The following IGHMBP2 variants were observed in gnomAD, a reference collection of about 807,000 sequenced individuals.
IGHMBP2 encodes immunoglobulin mu DNA binding protein 2, also known as DNA-binding protein SMUBP-2.
Under a neutral mutation model 96.0 loss-of-function variants are expected in IGHMBP2, and 81 were observed. The ratio of observed to expected loss-of-function variants is 0.84; its 90% CI spans 0.71 to 1.01. IGHMBP2 has a LOEUF of 1.01. Ranked by LOEUF, IGHMBP2 falls within the 50% of genes least tolerant of loss-of-function variation. The probability of loss-of-function intolerance (pLI) is 0.00; values close to 1 mark genes in which losing one functional copy is unlikely to be tolerated. For missense variants in IGHMBP2, 1,227 were observed against 1,306.3 expected (o/e 0.94, Z 0.94); for synonymous variants, 557 against 548.9 (o/e 1.01, Z -0.21).
At chr11:68,926,335 A>G (rs1859069834) in intron 7 of IGHMBP2, 2 of 125,374 alleles carry the variant, frequency 1.6e-5, no homozygotes, top group African/African-American at 6.3e-5. Context: ...CAGTGGTGTG[A>G]TCTCGGCCCA....
Position 68,933,426 on chromosome 11 carries a change from A to C in IGHMBP2, c.1363A>C (p.Thr455Pro), listed in dbSNP as rs775232759. 1.7e-5 allele frequency: 28 copies of C among 1,613,234 alleles called. No individual in the cohort carries two copies. In the South Asian group the frequency reaches 3.1e-4, roughly 18 times the overall value. The change falls in exon 9 of 15, where the codon ACC becomes CCC. Residue 455 changes from threonine to proline, a missense_variant. Transcript: ENST00000255078. ...HQAIMRWASD[T>P]MYLGQLTAHS... ...GGCTATCATGCGCTGGGCCTCAGAC[A>C]CCATGTACCTTGGGCAGCTCACAGC...
chr11:68,931,230 A>G (rs976997917), intron 8 of IGHMBP2, among the ~76,000 whole-genome samples: 1 of 152,154 alleles, frequency 6.6e-6, no homozygotes, highest in Admixed American at 6.5e-5. Flanking sequence ...GCAGACACCC[A>G]TGACCCTGCA....
At chr11:68,916,975 CTTTTTTTTTTT>C (rs11418103) in intron 6 of IGHMBP2, among the ~76,000 whole-genome samples, 10 of 103,340 alleles carry the variant, frequency 9.7e-5, no homozygotes, top group Admixed American at 3.0e-4. Flanking sequence ...AAGGTTACAT[CTTTTTTTTTTT>C]TTTTTTTTTT....
chr11:68,914,831 C>T lies in IGHMBP2; in HGVS notation c.720C>T (p.Cys240=), dbSNP rs142485663. The T allele has an allele frequency of 1.2e-6, 2 of 1,614,274 alleles. No homozygotes were observed. Among genetic ancestry groups the T allele is most frequent in the African/African-American group, 2.7e-5 (2 of 75,080 alleles). ...QAVKQGLKVL[C]CAPSNIAVDN... is the part of the protein sequence containing the mutation. ...TAACTTGCGGTTCCCAGGTTCTGTG[C>T]TGCGCCCCCTCCAACATCGCCGTGG... Residue 240 remains cysteine (C), a synonymous_variant, in exon 6 of 15, where the codon TGC becomes TGT. Transcript: ENST00000255078.
Position 68,906,190 on chromosome 11 carries a change from A to G in IGHMBP2, c.208A>G (p.Arg70Gly), listed in dbSNP as rs563922049. 7.4e-6 allele frequency: 12 copies of G among 1,614,186 alleles called. No individual in the cohort carries two copies. In the South Asian group the frequency reaches 9.9e-5, roughly 13 times the overall value. Residue 70 changes from arginine to glycine, a missense_variant, in exon 2 of 15, where the codon AGG (arginine) becomes GGG (glycine). This residue lies in a region of IGHMBP2 where 507 missense variants were observed against 496.9 expected (regional missense o/e 1.02). Coordinates refer to ENST00000255078, the MANE Select transcript of IGHMBP2 (RefSeq NM_002180.3). ...YGRLLVTFEP[R>G]RYGSAAALPS... ...ACGGCTGCTGGTCACCTTTGAGCCC[A>G]GGCGATACGGGTCCGCGGCAGCTCT...
intron 8 of IGHMBP2, among the ~76,000 whole-genome samples, chr11:68,931,560 GC>G (rs939192217): frequency 3.3e-5 from 5 of 152,182 alleles, no homozygotes; most frequent in Admixed American, 2.6e-4. Context: ...TGGGTCTGTA[GC>G]TGTGACCCTG....
chr11:68,936,979 G>A lies in IGHMBP2; in HGVS notation c.2499G>A (p.Leu833=), dbSNP rs371840404. ...RGPDQPDLRT[L]HLERLQRVRS... ...CAGACCAGCCTGATCTGAGGACGCTGCACCTGGAGAGACTGCAGAGGGTCA... is the reference window on the plus strand; with the variant it reads ...CAGACCAGCCTGATCTGAGGACGCTACACCTGGAGAGACTGCAGAGGGTCA... The change falls in exon 13 of 15, where the codon CTG becomes CTA. Residue 833 remains leucine (L), a synonymous_variant. Transcript: ENST00000255078. 10 of 1,608,288 alleles carry A rather than the reference G, an allele frequency of 6.2e-6. No homozygotes were observed. The highest frequency in any genetic ancestry group is 1.3e-5 in the African/African-American group (1 of 74,902).
chr11:68,923,178 T>C (rs781247451), intron 7 of IGHMBP2, among the ~76,000 whole-genome samples: 5 of 152,122 alleles, frequency 3.3e-5, no homozygotes, highest in Non-Finnish European at 5.9e-5. Flanking sequence ...AATATTTTTG[T>C]ATTCCTATAA....
intron 4 of IGHMBP2, 34 bp from the exon 5 acceptor site, chr11:68,911,406 G>A: frequency 2.5e-6 from 4 of 1,610,204 alleles, no homozygotes; most frequent in Non-Finnish European, 2.5e-6. Context: ...GCTCCCCAGA[G>A]CACCTGAGCC....
intron 8 of IGHMBP2, chr11:68,929,669 T>G: frequency 1.1e-6 from 1 of 902,034 alleles, no homozygotes; most frequent in Non-Finnish European, 1.3e-6. Flanking sequence ...GCAGGTTTGA[T>G]GGTAGAGTGC....
chr11:68,904,082 C>A, intron 1 of IGHMBP2, 44 bp downstream of exon 1: 2 of 1,480,368 alleles, frequency 1.4e-6, no homozygotes, highest in African/African-American at 1.4e-5. Context: ...TCGGTCCCGC[C>A]GTGTCCCGGG....
chr11:68,930,525 C>T, intron 8 of IGHMBP2: 2 of 1,254,098 alleles, frequency 1.6e-6, no homozygotes, highest in Non-Finnish European at 2.1e-6. Flanking sequence ...AAGAGGAGTG[C>T]TGAGGAAAGG....
At chr11:68,939,400 A>G in intron 14 of IGHMBP2, 134 bp from the exon 15 acceptor site, 1 of 913,742 alleles carries the variant, frequency 1.1e-6, no homozygotes, top group East Asian at 2.6e-5. Flanking sequence ...CTGCAGGGTG[A>G]AGGACTGACA....
chr11:68,931,921 A>G (rs908935958), intron 8 of IGHMBP2, among the ~76,000 whole-genome samples: 3 of 151,412 alleles, frequency 2.0e-5, no homozygotes, highest in Non-Finnish European at 4.4e-5. Context: ...AGAGAGTAGG[A>G]TGGTTTTGGG....
chr11:68,908,216 A>G lies in IGHMBP2; in HGVS notation c.328A>G (p.Thr110Ala), dbSNP rs753853063. ...QLATGILTRV[T>A]QKSVTVAFDE... ...GGCCACTGGGATCTTGACCCGGGTC[A>G]CCCAGAAGTCGGTCACGGTGGCCTT... Residue 110 changes from threonine to alanine, a missense_variant, in exon 3 of 15, where the codon ACC becomes GCC. Thr to Ala is a moderately conservative substitution (Grantham distance 58). Coordinates refer to ENST00000255078, the MANE Select transcript of IGHMBP2 (RefSeq NM_002180.3). 6.2e-7 allele frequency: 1 copy of G among 1,613,896 alleles called. No homozygotes were observed. The highest frequency in any genetic ancestry group is 1.1e-5 in the South Asian group (1 of 91,064).
chr11:68,931,454 C>T (rs965535479), intron 8 of IGHMBP2, among the ~76,000 whole-genome samples: 1 of 152,152 alleles, frequency 6.6e-6, no homozygotes, highest in African/African-American at 2.4e-5. Context: ...AAAGGCAGAT[C>T]CTACCTGTTC....
intron 12 of IGHMBP2, 98 bp from the exon 13 acceptor site, chr11:68,936,139 G>T: frequency 7.1e-7 from 1 of 1,400,916 alleles, no homozygotes. Flanking sequence ...ACGCGCAGGG[G>T]ACTACACTTT....
In IGHMBP2 at chr11:68,911,465, C is replaced by T; in HGVS notation, c.573C>T (p.Cys191=). ...ACCCGCTGACATTCTTCAACACCTG[C>T]CTGGACACCTCCCAGAAAGAAGCGG... is the stretch of plus-strand genomic sequence containing the variant. ...EIHPLTFFNT[C]LDTSQKEAVL... Residue 191 remains cysteine (C), a synonymous_variant, in exon 5 of 15, where the codon TGC becomes TGT. Coordinates refer to ENST00000255078, the MANE Select transcript of IGHMBP2 (RefSeq NM_002180.3). The T allele has an allele frequency of 6.2e-7, 1 of 1,614,100 alleles. No individual in the cohort carries two copies. Among genetic ancestry groups the T allele is most frequent in the Non-Finnish European group, 8.5e-7 (1 of 1,180,020 alleles).
At chr11:68,933,700 A>C (rs955442488) in intron 9 of IGHMBP2, 95 bp from the exon 10 acceptor site, 2 of 1,095,860 alleles carry the variant, frequency 1.8e-6, no homozygotes, top group South Asian at 2.6e-5. Context: ...CCCCTACCTA[A>C]GCCTTTTCCT....
Sources: allele counts gnomAD v4.1 joint callset (sites outside exome capture counted in the v4.1 genomes callset), GRCh38; gene constraint gnomAD v4.1.1; regional missense constraint gnomAD v4.1.1; transcripts MANE v1.5; gene names NCBI Gene and HGNC (gene_info 2026-07-23, HGNC 2026-07-21).